Variants in CSMD1 observed in about 807,000 individuals in gnomAD.
CSMD1 encodes CUB and sushi domain-containing protein 1.
CSMD1 carries 213 observed loss-of-function variants against 417.5 expected under a neutral mutation model. That is an observed-to-expected ratio of 0.51 (90% confidence interval 0.46 to 0.57). CSMD1 has a LOEUF of 0.57. Ranked by LOEUF, CSMD1 falls within the 20% of genes least tolerant of loss-of-function variation. The probability of loss-of-function intolerance (pLI) is 0.00; values close to 1 mark genes in which losing one functional copy is unlikely to be tolerated. For missense variants in CSMD1, 6,923 were observed against 4,529.7 expected (o/e 1.53, Z -15.17); for synonymous variants, 2,862 against 1,736.8 (o/e 1.65, Z -16.11).
At chr8:3,839,048 A>C (rs1464610635) in intron 5 of CSMD1, among the ~76,000 whole-genome samples, 2 of 127,938 alleles carry the variant, frequency 1.6e-5, no homozygotes, top group Non-Finnish European at 3.1e-5. Flanking sequence ...TTATATATAT[A>C]AAATATATAG....
At chr8:4,792,431 G>C (rs1797742255) in intron 1 of CSMD1, among the ~76,000 whole-genome samples, 1 of 152,154 alleles carries the variant, frequency 6.6e-6, no homozygotes, top group Admixed American at 6.5e-5. Context: ...CAGTGGTACA[G>C]CCAATCAGTC....
chr8:4,563,859 G>C (rs1019679623), intron 2 of CSMD1, among the ~76,000 whole-genome samples: 4 of 152,134 alleles, frequency 2.6e-5, no homozygotes, highest in Admixed American at 6.5e-5. Flanking sequence ...CTGCTGAGAA[G>C]ACTTGGAGTT....
Position 2,978,624 on chromosome 8 carries a change from G to A in CSMD1, c.8554C>T (p.Pro2852Ser). Residue 2852 changes from proline to serine, a missense_variant, in exon 55 of 70, where the codon CCC becomes TCC. Transcript: ENST00000635120. Reference sequence around the variant, plus strand: ...AACCCTGACTTACCCAAACACTTGGGCAGGGATCGGTCCCATAAGCCATTT... The same window carrying A: ...AACCCTGACTTACCCAAACACTTGGACAGGGATCGGTCCCATAAGCCATTT... ...MANGLWDRSL[P>S]KCLAISCGHP... is the part of the protein sequence containing the mutation. 1 of 1,591,026 alleles carries A rather than the reference G, an allele frequency of 6.3e-7. No individual in the cohort carries two copies.
At chr8:4,056,319 G>A (rs773448517) in intron 3 of CSMD1, among the ~76,000 whole-genome samples, 3 of 151,348 alleles carry the variant, frequency 2.0e-5, no homozygotes, top group East Asian at 2.0e-4. Context: ...CTGACCTTAG[G>A]TGATCCACCC....
intron 1 of CSMD1, among the ~76,000 whole-genome samples, chr8:4,769,948 G>A (rs1796519601): frequency 6.6e-6 from 1 of 152,126 alleles, no homozygotes. Context: ...ACAATAACAA[G>A]TTATTTACTC....
chr8:3,621,767 TTTATTA>T (rs568261003), intron 7 of CSMD1, among the ~76,000 whole-genome samples: 231 of 150,758 alleles, frequency 1.5e-3, no homozygotes, highest in African/African-American at 5.1e-3. Flanking sequence ...TTATTATTAT[TTTATTA>T]TTATTATTAT....
chr8:3,810,860 T>G (rs568590414), intron 5 of CSMD1, among the ~76,000 whole-genome samples: 1 of 152,332 alleles, frequency 6.6e-6, no homozygotes, highest in South Asian at 2.1e-4. Flanking sequence ...TTTAGGCTCC[T>G]GTTCAGCTTT....
At chr8:4,938,324 T>C (rs777503930) in intron 1 of CSMD1, among the ~76,000 whole-genome samples, 1 of 152,144 alleles carries the variant, frequency 6.6e-6, no homozygotes, top group Non-Finnish European at 1.5e-5. Flanking sequence ...CTGCAATGAG[T>C]TCATAAATGC....
chr8:3,283,588 A>T (rs1458623398), intron 26 of CSMD1, among the ~76,000 whole-genome samples: 1 of 152,208 alleles, frequency 6.6e-6, no homozygotes, highest in Non-Finnish European at 1.5e-5. Flanking sequence ...GAAGCAGGAA[A>T]GCCACTCCAG....
At chr8:3,758,331 A>G (rs551646828) in intron 5 of CSMD1, among the ~76,000 whole-genome samples, 1 of 152,278 alleles carries the variant, frequency 6.6e-6, no homozygotes, top group East Asian at 1.9e-4. Flanking sequence ...TCCATTTTCC[A>G]TGAAGAAGCC....
chr8:3,764,739 CTTTTTT>C (rs66603480), intron 5 of CSMD1, among the ~76,000 whole-genome samples: 50 of 129,764 alleles, frequency 3.9e-4, no homozygotes, highest in African/African-American at 6.0e-4. Context: ...TTTTCTCTTT[CTTTTTT>C]TTTTTTTTTT....
intron 29 of CSMD1, among the ~76,000 whole-genome samples, chr8:3,216,829 C>G (rs1257100409): frequency 6.6e-6 from 1 of 152,250 alleles, no homozygotes; most frequent in Admixed American, 6.5e-5. Context: ...GCACGACTGC[C>G]TGGTGTTCCT....
chr8:4,408,958 A>G (rs533799388), intron 3 of CSMD1, among the ~76,000 whole-genome samples: 7 of 152,222 alleles, frequency 4.6e-5, no homozygotes, highest in Non-Finnish European at 8.8e-5. Context: ...ATTCAAATTC[A>G]GAAAGGGAAA....
chr8:4,296,785 G>A (rs540199536), intron 3 of CSMD1, among the ~76,000 whole-genome samples: 46 of 148,544 alleles, frequency 3.1e-4, no homozygotes, highest in African/African-American at 1.1e-3. Flanking sequence ...CTTTATGCTG[G>A]TGAAAATGAA....
intron 2 of CSMD1, among the ~76,000 whole-genome samples, chr8:4,445,693 A>C (rs1585087619): frequency 6.6e-6 from 1 of 152,284 alleles, no homozygotes; most frequent in South Asian, 2.1e-4. Flanking sequence ...ACTTTCCCAC[A>C]ACTTGGAAGG....
At chr8:4,574,329 C>G (rs1799034871) in intron 2 of CSMD1, among the ~76,000 whole-genome samples, 1 of 152,134 alleles carries the variant, frequency 6.6e-6, no homozygotes, top group Non-Finnish European at 1.5e-5. Flanking sequence ...CTGGATAGCA[C>G]CATCCCTCAA....
chr8:3,044,751 A>C (rs1563273692), intron 50 of CSMD1, among the ~76,000 whole-genome samples: 1 of 152,222 alleles, frequency 6.6e-6, no homozygotes, highest in African/African-American at 2.4e-5. Flanking sequence ...CTGAGGGTGA[A>C]ACGAACTAAT....
chr8:4,658,728 C>A (rs565213141), intron 1 of CSMD1, among the ~76,000 whole-genome samples: 1 of 152,094 alleles, frequency 6.6e-6, no homozygotes, highest in Non-Finnish European at 1.5e-5. Context: ...TATTCTTATA[C>A]TTTCGGTTTC....
chr8:4,131,690 C>T (rs928757395), intron 3 of CSMD1, among the ~76,000 whole-genome samples: 1 of 150,506 alleles, frequency 6.6e-6, no homozygotes, highest in African/African-American at 2.4e-5. Context: ...TATTGCATCC[C>T]TTGCAAAAAA....
Sources: gnomAD v4.1 joint callset for allele counts (sites outside exome capture counted in the v4.1 genomes callset) on GRCh38, gnomAD v4.1.1 for gene constraint, MANE v1.5 for transcripts, NCBI Gene and HGNC (gene_info 2026-07-23, HGNC 2026-07-21) for gene names.